IGSF5: variants seen among roughly 807,000 people sequenced by gnomAD.
IGSF5 encodes the protein immunoglobulin superfamily member 5, also known as immunoglobulin superfamily 5 like.
IGSF5 carries 41 observed loss-of-function variants against 39.4 expected under a neutral mutation model. The ratio of observed to expected loss-of-function variants is 1.04; its 90% CI spans 0.81 to 1.35. The LOEUF (loss-of-function observed/expected upper bound fraction) is 1.35. Ranked by LOEUF, IGSF5 falls within the 40% of genes most tolerant of loss-of-function variation. The pLI is 0.00. For synonymous variants in IGSF5, 183 were observed against 175.3 expected, an observed-to-expected ratio of 1.04 and a Z score of -0.34; for missense variants, 487 against 494.6, an observed-to-expected ratio of 0.98 and a Z score of 0.15.
chr21:39,722,582 A>C, the IGSF5 span: 1 of 152,210 alleles, frequency 6.6e-6, no homozygotes, highest in Non-Finnish European at 1.5e-5. Flanking sequence ...GGTTGTATTA[A>C]GCCCCCAGTA....
At chr21:39,775,296 C>G (rs2080134182) in intron 4 of IGSF5, among the ~76,000 whole-genome samples, 1 of 152,174 alleles carries the variant, frequency 6.6e-6, no homozygotes, top group Non-Finnish European at 1.5e-5. Context: ...CTCTGAGCCT[C>G]AGTTTTAGAA....
At position 39,794,022 on chromosome 21, in the gene IGSF5, C is replaced by G. The variant is rs765809061; in HGVS notation, c.1128+409C>G. ...CCCACGTGCTCATCTGTACTTGGACCCTTGGGGCCTTTGGACTCATGGAAG... is the reference window on the plus strand; with the variant it reads ...CCCACGTGCTCATCTGTACTTGGACGCTTGGGGCCTTTGGACTCATGGAAG... On this transcript the variant is annotated intron_variant, in intron 8 of 8. Coordinates refer to ENST00000380588, the MANE Select transcript of IGSF5 (RefSeq NM_001080444.2). Among the ~76,000 whole-genome samples the G allele has an allele frequency of 3.6e-4, 55 of 152,120 alleles. 1 individual carries two copies. Among genetic ancestry groups the G allele is most frequent in the Admixed American group, 2.6e-4 (4 of 15,284 alleles).
intron 2 of IGSF5, among the ~76,000 whole-genome samples, chr21:39,748,299 A>ATTTTT (rs1569246431): frequency 2.5e-4 from 11 of 43,738 alleles, no homozygotes; most frequent in Non-Finnish European, 4.9e-4. Context: ...AGAAAACAAG[A>ATTTTT]TCTTTTTTTT....
intron 8 of IGSF5, among the ~76,000 whole-genome samples, chr21:39,794,627 A>C (rs1183190411): frequency 1.3e-5 from 2 of 152,230 alleles, no homozygotes. Context: ...ATGCAACTTC[A>C]GACAAGAAGT....
At chr21:39,787,552 G>GTTTTTTTTTTTTT (rs33925299) in intron 5 of IGSF5, among the ~76,000 whole-genome samples, 2 of 119,904 alleles carry the variant, frequency 1.7e-5, no homozygotes, top group Non-Finnish European at 3.3e-5. Context: ...TAATGACAGT[G>GTTTTTTTTTTTTT]TTTTTTTTTT....
intron 8 of IGSF5, among the ~76,000 whole-genome samples, chr21:39,799,758 G>T (rs16998556): frequency 0.087 from 13,191 of 152,070 alleles, 607 homozygotes; most frequent in South Asian, 0.16. Flanking sequence ...TCCTACCAGG[G>T]ACACTCTTAA....
intron 2 of IGSF5, among the ~76,000 whole-genome samples, chr21:39,752,188 A>G (rs1194609177): frequency 6.6e-6 from 1 of 152,106 alleles, no homozygotes; most frequent in African/African-American, 2.4e-5. Flanking sequence ...TGAGTCCCCA[A>G]AGTCCATTGT....
chr21:39,795,371 A>T (rs1351713700), intron 8 of IGSF5, among the ~76,000 whole-genome samples: 3 of 152,064 alleles, frequency 2.0e-5, no homozygotes, highest in Non-Finnish European at 2.9e-5. Flanking sequence ...ACGGACAGCC[A>T]ATAGCACATT....
At chr21:39,798,041 G>A (rs1470691844) in intron 8 of IGSF5, among the ~76,000 whole-genome samples, 2 of 152,220 alleles carry the variant, frequency 1.3e-5, no homozygotes, top group Non-Finnish European at 2.9e-5. Context: ...GAAATTTGAT[G>A]TGCCAGGGTT....
intron 5 of IGSF5, among the ~76,000 whole-genome samples, 200 bp downstream of exon 5, chr21:39,779,505 A>G (rs529303169): frequency 6.6e-6 from 1 of 152,350 alleles, no homozygotes; most frequent in East Asian, 1.9e-4. Context: ...GGTTCCCCCA[A>G]AAATTAAAAT....
chr21:39,714,705 G>A, the IGSF5 span, among the ~76,000 whole-genome samples: 1 of 152,212 alleles, frequency 6.6e-6, no homozygotes, highest in African/African-American at 2.4e-5. Flanking sequence ...TCCTTCTTGT[G>A]TGTGTGTGTC....
chr21:39,712,388 A>C, the IGSF5 span, among the ~76,000 whole-genome samples: 1 of 152,228 alleles, frequency 6.6e-6, no homozygotes, highest in East Asian at 1.9e-4. Flanking sequence ...GACGTTTTGT[A>C]AACCCTCGGA....
At chr21:39,786,824 T>C (rs1239534469) in intron 5 of IGSF5, among the ~76,000 whole-genome samples, 5 of 152,124 alleles carry the variant, frequency 3.3e-5, no homozygotes, top group Admixed American at 2.0e-4. Flanking sequence ...TGGATGAAAT[T>C]GGAAATCATC....
chr21:39,741,744 G>A (rs1397821057), upstream of IGSF5, among the ~76,000 whole-genome samples: 2 of 152,142 alleles, frequency 1.3e-5, no homozygotes, highest in Non-Finnish European at 2.9e-5. Context: ...TTGAGAGTCA[G>A]GATGTACAGG....
chr21:39,777,493 A>G (rs917136454), intron 4 of IGSF5, among the ~76,000 whole-genome samples: 2 of 152,134 alleles, frequency 1.3e-5, no homozygotes, highest in Non-Finnish European at 2.9e-5. Context: ...CTGCATGTGA[A>G]GGGTCTGCCT....
chr21:39,720,554 G>A, the IGSF5 span, among the ~76,000 whole-genome samples: 1 of 152,170 alleles, frequency 6.6e-6, no homozygotes, highest in East Asian at 1.9e-4. Flanking sequence ...AACTTGACCA[G>A]TACTGCTCAT....
In IGSF5 at chr21:39,746,531, C is replaced by T. The variant is rs117088958; in HGVS notation, c.100+233C>T. Among the ~76,000 whole-genome samples the T allele has an allele frequency of 4.1e-4, 63 of 152,282 alleles. No individual in the cohort carries two copies. The East Asian group carries it at 0.011, about 26-fold the overall frequency. ...TGGGGTGGCATATCCTAATCCCTTTCAGCATAGAGGTTTATTTTTTTGAAT... is the reference window on the plus strand; with the variant it reads ...TGGGGTGGCATATCCTAATCCCTTTTAGCATAGAGGTTTATTTTTTTGAAT... On this transcript the variant is annotated intron_variant, in intron 2 of 8. Transcript: ENST00000380588.
chr21:39,745,274 G>A lies in IGSF5; in HGVS notation c.-236G>A, dbSNP rs865959758. The A allele has an allele frequency of 3.0e-4, 122 of 404,486 alleles. No individual in the cohort carries two copies. In the Middle Eastern group the frequency reaches 7.5e-3, roughly 25 times the overall value. The allele number at this position is 404,486 out of a possible 1,614,324, so 25.1% of individuals were successfully genotyped here. On this transcript the variant is annotated 5_prime_UTR_variant, in exon 1 of 9. Transcript: ENST00000380588. ...TCCTGCATAACTGCTCATGTCAAGA[G>A]CTGTATACCTAAATTAGGAGGGACG... is the stretch of plus-strand genomic sequence containing the variant.
At chr21:39,784,355 A>G (rs1177763384) in intron 5 of IGSF5, among the ~76,000 whole-genome samples, 3 of 152,224 alleles carry the variant, frequency 2.0e-5, no homozygotes, top group Non-Finnish European at 2.9e-5. Context: ...GGTTATTTGT[A>G]CATCCTGGTT....
Sources: allele counts gnomAD v4.1 joint callset (sites outside exome capture counted in the v4.1 genomes callset), GRCh38; gene constraint gnomAD v4.1.1; transcripts MANE v1.5; gene names NCBI Gene and HGNC (gene_info 2026-07-23, HGNC 2026-07-21).